Variants in FMO3 observed in about 807,000 individuals in gnomAD.
The protein encoded by FMO3 is flavin containing dimethylaniline monoxygenase 3.
In FMO3, 40 loss-of-function variants were observed where a neutral mutation model predicts 39.4. The ratio of observed to expected loss-of-function variants is 1.02; its 90% CI spans 0.79 to 1.32. The LOEUF (loss-of-function observed/expected upper bound fraction) is 1.32, where lower values mean the gene tolerates loss of function less well. FMO3 is among the 40% of genes most tolerant of loss of function. The pLI is 0.00. For missense variants in FMO3, 680 were observed against 651.8 expected, an observed-to-expected ratio of 1.04 and a Z score of -0.47; for synonymous variants, 219 against 228.8, an observed-to-expected ratio of 0.96 and a Z score of 0.39.
At chr1:171,112,498 C>T (rs1430777393) in intron 6 of FMO3, among the ~76,000 whole-genome samples, 1 of 152,024 alleles carries the variant, frequency 6.6e-6, no homozygotes, top group Non-Finnish European at 1.5e-5. Flanking sequence ...TGAAGGTCGA[C>T]CCAAATAGGA....
rs781055094 is a variant in FMO3 at position 171,092,801 on chromosome 1, T to C, written c.132+11T>C. On this transcript the variant is annotated intron_variant, in intron 2 of 8. Coordinates refer to ENST00000367755, the MANE Select transcript of FMO3 (RefSeq NM_001002294.3). ...CTGTGGAAATTTTCAGTGAGTAGCA[T>C]GTTGTTGTAATAGACAGGAAAATAG... 1 of 1,613,616 alleles carries C rather than the reference T, an allele frequency of 6.2e-7. No homozygotes were observed. Among genetic ancestry groups the C allele is most frequent in the South Asian group, 1.1e-5 (1 of 91,056 alleles).
In FMO3 at chr1:171,096,467, C is replaced by T. The variant is rs1448855747; in HGVS notation, c.132+3677C>T. The stretch of plus-strand genomic sequence containing the variant: ...TTATATATTAAATATATATTAAATA[C>T]ATAATATATTTTATATATTAAATAC... On this transcript the variant is annotated intron_variant, in intron 2 of 8. Coordinates refer to ENST00000367755, the MANE Select transcript of FMO3 (RefSeq NM_001002294.3). 5.2e-4 allele frequency among the ~76,000 whole-genome samples: 50 copies of T among 96,072 alleles called. 2 individuals carry two copies. The highest frequency in any genetic ancestry group is 6.8e-4 in the Non-Finnish European group (38 of 55,750). The allele number at this position is 96,072 out of a possible 152,430, so 63.0% of individuals were successfully genotyped here.
intron 2 of FMO3, chr1:171,100,805 C>T (rs1655345018): frequency 7.6e-6 from 2 of 263,366 alleles, no homozygotes; most frequent in South Asian, 9.0e-5. Context: ...CAATGCCCCT[C>T]CTCAAAGATA....
rs1297708997 is a variant in FMO3, at chr1:171,095,919, T to TCA, written c.132+3129_132+3130insCA. Among the ~76,000 whole-genome samples, 12 of 95,798 alleles carry TCA rather than the reference T, an allele frequency of 1.3e-4. No homozygotes were observed. The East Asian group carries it at 2.6e-3, about 21-fold the overall frequency. 62.8% of individuals were successfully genotyped at this position (95,798 alleles called of 152,430 possible). ...TAATTATAATATGTATAAATATATA[T>TCA]TTATATAATTATATATAATATATAT... is the stretch of plus-strand genomic sequence containing the variant. On this transcript the variant is annotated intron_variant, in intron 2 of 8. Transcript: ENST00000367755.
In FMO3 at chr1:171,108,161, G is replaced by A. The variant is rs966753510; in HGVS notation, c.567G>A (p.Val189=). Residue 189 remains valine, a synonymous_variant, in exon 5 of 9, where the codon GTG becomes GTA. Transcript: ENST00000367755. ...TATTCAATGGAAAGCGTGTCCTGGT[G>A]GTTGGCCTGGGGAATTCGGGCTGTG... The part of the protein sequence containing the change: ...PGVFNGKRVL[V]VGLGNSGCDI... 1.2e-6 allele frequency: 2 copies of A among 1,613,916 alleles called. No homozygotes were observed. Among genetic ancestry groups the A allele is most frequent in the Non-Finnish European group, 1.7e-6 (2 of 1,179,892 alleles).
chr1:171,110,559 C>T (rs7051320), intron 5 of FMO3, among the ~76,000 whole-genome samples: 5,431 of 152,132 alleles, frequency 0.036, 309 homozygotes, highest in African/African-American at 0.12. Flanking sequence ...GGCCTTTATA[C>T]GCCCGCATTG....
intron 6 of FMO3, among the ~76,000 whole-genome samples, chr1:171,111,337 A>C (rs907541723): frequency 3.3e-5 from 5 of 152,088 alleles, no homozygotes; most frequent in African/African-American, 1.2e-4. Context: ...TTATGAAGAG[A>C]GCTCTACTAG....
At chr1:171,098,415 T>C (rs1655205121) in intron 2 of FMO3, among the ~76,000 whole-genome samples, 2 of 152,304 alleles carry the variant, frequency 1.3e-5, no homozygotes, top group Admixed American at 6.5e-5. Context: ...ATTCTTCCTA[T>C]CCATGAGCAT....
intron 2 of FMO3, among the ~76,000 whole-genome samples, chr1:171,102,074 GAGC>G (rs1240634747): frequency 6.6e-6 from 1 of 152,102 alleles, no homozygotes; most frequent in African/African-American, 2.4e-5. Flanking sequence ...CAAACCATGT[GAGC>G]AGCAGAAAAC....
rs1479551607 is a variant in FMO3, at chr1:171,096,103, A to G, written c.132+3313A>G. On this transcript the variant is annotated intron_variant, in intron 2 of 8. Transcript: ENST00000367755. ...ATAATATATATTAATATTTTTATATAATTAATTATTATATATTAATAATAT... is the reference window on the plus strand; with the variant it reads ...ATAATATATATTAATATTTTTATATGATTAATTATTATATATTAATAATAT... Among the ~76,000 whole-genome samples the G allele has an allele frequency of 2.6e-3, 128 of 48,914 alleles. 4 individuals carry two copies. The highest frequency in any genetic ancestry group is 4.1e-3 in the Non-Finnish European group (113 of 27,470). The allele number at this position is 48,914 out of a possible 152,430, so 32.1% of individuals were successfully genotyped here.
intron 6 of FMO3, among the ~76,000 whole-genome samples, chr1:171,113,341 C>A (rs2101920479): frequency 6.6e-6 from 1 of 152,242 alleles, no homozygotes; most frequent in South Asian, 2.1e-4. Flanking sequence ...CTGGGTGCTC[C>A]CTCCTTCACC....
rs72549323 is a variant in FMO3, at chr1:171,103,850, G to T, written c.198G>T (p.Met66Ile). ...KSVFSNSSKE[M>I]MCFPDFPFPD... is the part of the protein sequence containing the mutation. The stretch of plus-strand genomic sequence containing the variant: ...TCTTTTCCAACTCTTCCAAAGAGAT[G>T]ATGTGTTTCCCAGACTTCCCATTTC... The change falls in exon 3 of 9, where the codon ATG becomes ATT. Residue 66 changes from methionine to isoleucine, a missense_variant. By Grantham distance (10) the Met-to-Ile change is conservative. Transcript: ENST00000367755. The T allele has an allele frequency of 1.8e-5, 29 of 1,613,742 alleles. No homozygotes were observed. Among genetic ancestry groups the T allele is most frequent in the Non-Finnish European group, 1.9e-5 (23 of 1,179,844 alleles).
rs1411210248 is a variant in FMO3, at chr1:171,110,864, G to T, written c.694G>T (p.Asp232Tyr). ...SRVWDNGYPW[D>Y]MLLVTRFGTF... Reference sequence around the variant, plus strand: ...GGTCTGGGACAATGGTTATCCTTGGGACATGCTGCTCGTCACTCGATTTGG... The same window carrying T: ...GGTCTGGGACAATGGTTATCCTTGGTACATGCTGCTCGTCACTCGATTTGG... The change falls in exon 6 of 9, where the codon GAC becomes TAC. Residue 232 changes from aspartate to tyrosine, a missense_variant. Asp to Tyr is a radical substitution (Grantham distance 160). Transcript: ENST00000367755. 3 of 1,613,874 alleles carry T rather than the reference G, an allele frequency of 1.9e-6. No homozygotes were observed. The highest frequency in any genetic ancestry group is 2.5e-6 in the Non-Finnish European group (3 of 1,179,944).
rs1655012635 is a variant in FMO3, at chr1:171,096,081, A to ATATATATAAATATATAT, written c.132+3298_132+3299insAAATATATATTATATAT. Among the ~76,000 whole-genome samples, 5 of 56,010 alleles carry ATATATATAAATATATAT rather than the reference A, an allele frequency of 8.9e-5. No homozygotes were observed. The Admixed American group carries it at 1.3e-3, about 15-fold the overall frequency. 36.7% of individuals were successfully genotyped at this position (56,010 alleles called of 152,430 possible). A position where few individuals can be genotyped will look rare whatever the true frequency, so the allele number is the denominator to read the frequency against. ...AATATATATTATATATTAATATATAATATATATTAATATTTTTATATAATT... is the reference window on the plus strand; with the variant it reads ...AATATATATTATATATTAATATATAATATATATAAATATATATTATATATTAATATTTTTATATAATT... On this transcript the variant is annotated intron_variant, in intron 2 of 8. Transcript: ENST00000367755.
intron 5 of FMO3, among the ~76,000 whole-genome samples, chr1:171,108,802 C>A (rs1349533569): frequency 6.6e-6 from 1 of 151,946 alleles, no homozygotes; most frequent in Non-Finnish European, 1.5e-5. Context: ...ACAAGAGCTG[C>A]CACTGGAAAA....
intron 2 of FMO3, chr1:171,100,778 T>C (rs1434860264): frequency 1.3e-5 from 3 of 239,052 alleles, no homozygotes; most frequent in African/African-American, 6.6e-5. Context: ...TGGCCTGTAA[T>C]AGGCTGAACA....
At chr1:171,093,527 G>A (rs143788307) in intron 2 of FMO3, among the ~76,000 whole-genome samples, 4 of 151,404 alleles carry the variant, frequency 2.6e-5, no homozygotes, top group Admixed American at 6.6e-5. Flanking sequence ...ATGTATATGC[G>A]TCTGTGTGTA....
chr1:171,107,921 G>T (rs1655721893), intron 4 of FMO3, 84 bp downstream of exon 4: 6 of 1,476,732 alleles, frequency 4.1e-6, no homozygotes, highest in Non-Finnish European at 5.7e-6. Flanking sequence ...AAAAGTATAA[G>T]CAGGTTAAAT....
At position 171,096,091 on chromosome 1, in the gene FMO3, A is replaced by ATATTAATATATATTATATAT. The variant is rs1557933450; in HGVS notation, c.132+3305_132+3306insAATATATATTATATATTATT. 1.2e-3 allele frequency among the ~76,000 whole-genome samples: 84 copies of ATATTAATATATATTATATAT among 71,992 alleles called. 1 individual carries two copies. Among genetic ancestry groups the ATATTAATATATATTATATAT allele is most frequent in the Non-Finnish European group, 1.4e-3 (62 of 43,630 alleles). The allele number at this position is 71,992 out of a possible 152,430, so 47.2% of individuals were successfully genotyped here. ...ATATATTAATATATAATATATATTA[A>ATATTAATATATATTATATAT]TATTTTTATATAATTAATTATTATA... is the stretch of plus-strand genomic sequence containing the variant. On this transcript the variant is annotated intron_variant, in intron 2 of 8. Coordinates refer to ENST00000367755, the MANE Select transcript of FMO3 (RefSeq NM_001002294.3).
Sources: allele counts gnomAD v4.1 joint callset (sites outside exome capture counted in the v4.1 genomes callset), GRCh38; gene constraint gnomAD v4.1.1; transcripts MANE v1.5; gene names NCBI Gene and HGNC (gene_info 2026-07-23, HGNC 2026-07-21).